The following DTNA variants were observed in gnomAD, a reference collection of about 807,000 sequenced individuals.
The protein encoded by DTNA is dystrophin-related protein 3.
DTNA carries 43 observed loss-of-function variants against 100.7 expected under a neutral mutation model. The ratio of observed to expected loss-of-function variants is 0.43; its 90% CI spans 0.33 to 0.55. The LOEUF is 0.55. DTNA is among the 20% of genes least tolerant of loss of function. The pLI, the probability that DTNA is intolerant of heterozygous loss-of-function variation, is 0.04. For missense variants in DTNA, 798 were observed against 953.9 expected (o/e 0.84, Z 2.15); for synonymous variants, 349 against 347.9 (o/e 1.00, Z -0.04).
At chr18:34,720,785 A>C (rs1487068979) in intron 1 of DTNA, among the ~76,000 whole-genome samples, 4 of 152,076 alleles carry the variant, frequency 2.6e-5, no homozygotes, top group Non-Finnish European at 4.4e-5. Context: ...GGGGTGGGGA[A>C]TCTCTCTCTA....
intron 1 of DTNA, among the ~76,000 whole-genome samples, chr18:34,585,827 G>T (rs899862936): frequency 2.0e-5 from 3 of 152,172 alleles, no homozygotes; most frequent in African/African-American, 7.2e-5. Flanking sequence ...GTATAGAGAG[G>T]TGGGTGGGAC....
At chr18:34,589,216 A>G (rs1027844259) in intron 1 of DTNA, among the ~76,000 whole-genome samples, 1 of 152,062 alleles carries the variant, frequency 6.6e-6, no homozygotes, top group Non-Finnish European at 1.5e-5. Context: ...TTTGTAAGGT[A>G]TACATGATGT....
chr18:34,664,536 T>G (rs2075637925), intron 1 of DTNA, among the ~76,000 whole-genome samples: 1 of 152,102 alleles, frequency 6.6e-6, no homozygotes, highest in African/African-American at 2.4e-5. Flanking sequence ...GAATGCTGGG[T>G]TATACAATGT....
intron 1 of DTNA, among the ~76,000 whole-genome samples, chr18:34,641,219 C>A (rs73946112): frequency 0.013 from 2,011 of 152,220 alleles, 36 homozygotes; most frequent in African/African-American, 0.046. Flanking sequence ...TTATTAGTGA[C>A]TTACCAAATC....
At chr18:34,841,820 CTAATCCTGAT>C (rs2096273675) in intron 13 of DTNA, among the ~76,000 whole-genome samples, 1 of 152,100 alleles carries the variant, frequency 6.6e-6, no homozygotes, top group Non-Finnish European at 1.5e-5. Flanking sequence ...TTATTCAGAC[CTAATCCTGAT>C]TAACTCTGTG....
At chr18:34,825,409 C>A (rs1323653000) in intron 9 of DTNA, 6 of 1,077,756 alleles carry the variant, frequency 5.6e-6, no homozygotes, top group Non-Finnish European at 8.6e-6. Flanking sequence ...ACACTCAGTT[C>A]ACAAGGATGC....
chr18:34,670,042 T>A (rs534028151), intron 1 of DTNA, among the ~76,000 whole-genome samples: 1 of 152,314 alleles, frequency 6.6e-6, no homozygotes, highest in South Asian at 2.1e-4. Context: ...GGTTCCATTC[T>A]CCCCATCACT....
upstream of DTNA, among the ~76,000 whole-genome samples, chr18:34,707,286 T>A (rs1363070611): frequency 6.6e-6 from 1 of 152,160 alleles, no homozygotes; most frequent in African/African-American, 2.4e-5. Flanking sequence ...TTCTGAAGCA[T>A]CATTACCTAT....
intron 1 of DTNA, among the ~76,000 whole-genome samples, chr18:34,700,357 C>T (rs1049185042): frequency 3.9e-5 from 6 of 152,182 alleles, no homozygotes; most frequent in African/African-American, 1.4e-4. Context: ...CCAAATACCA[C>T]ATGCTCCACT....
chr18:34,612,073 C>A (rs114857996), intron 1 of DTNA, among the ~76,000 whole-genome samples: 2 of 152,224 alleles, frequency 1.3e-5, no homozygotes, highest in Admixed American at 1.3e-4. Flanking sequence ...AGCCAGCTGA[C>A]ACGGGCCACC....
At chr18:34,716,033 T>C (rs920089081) in intron 1 of DTNA, among the ~76,000 whole-genome samples, 1 of 152,138 alleles carries the variant, frequency 6.6e-6, no homozygotes, top group African/African-American at 2.4e-5. Context: ...CATATAGCAG[T>C]GTACACTGGG....
At chr18:34,876,070 A>T (rs891173901) in intron 18 of DTNA, among the ~76,000 whole-genome samples, 10 of 152,172 alleles carry the variant, frequency 6.6e-5, no homozygotes, top group African/African-American at 9.7e-5. Context: ...GTAGACCTTC[A>T]CCGGCAGCTT....
intron 1 of DTNA, among the ~76,000 whole-genome samples, chr18:34,554,689 G>A (rs1225425617): frequency 3.5e-5 from 5 of 144,848 alleles, no homozygotes; most frequent in East Asian, 2.0e-4. Flanking sequence ...ATTGATTTGC[G>A]TATATTGAAC....
intron 15 of DTNA, among the ~76,000 whole-genome samples, chr18:34,857,458 C>T (rs2096566333): frequency 6.6e-6 from 1 of 152,182 alleles, no homozygotes; most frequent in Non-Finnish European, 1.5e-5. Flanking sequence ...TATAACCCTG[C>T]TTAATGGCTT....
intron 5 of DTNA, among the ~76,000 whole-genome samples, chr18:34,810,250 G>A (rs547881106): frequency 6.6e-6 from 1 of 152,046 alleles, no homozygotes; most frequent in Non-Finnish European, 1.5e-5. Flanking sequence ...TTGCCTCTAC[G>A]CCTACCCATA....
At chr18:34,512,132 G>A (rs779756246) in intron 1 of DTNA, among the ~76,000 whole-genome samples, 11 of 151,982 alleles carry the variant, frequency 7.2e-5, no homozygotes, top group Non-Finnish European at 1.6e-4. Context: ...AAGTCCCACT[G>A]GCTCTAGGCT....
rs140557100 is a variant in DTNA, at chr18:34,578,665, A to G, written c.-2+85151A>G. Among the ~76,000 whole-genome samples, 71 of 152,254 alleles carry G rather than the reference A, an allele frequency of 4.7e-4. No individual in the cohort carries two copies. In the East Asian group the frequency reaches 0.011, roughly 23 times the overall value. On this transcript the variant is annotated intron_variant, in intron 1 of 19. Coordinates refer to the DTNA transcript ENST00000283365. The stretch of plus-strand genomic sequence containing the variant: ...TATACGTGGTGAGAGATGAGGATCT[A>G]GTTTCACTCTTCTACATGTGGCTTG...
At chr18:34,838,246 C>A in intron 12 of DTNA, 75 bp downstream of exon 12, 2 of 1,515,768 alleles carry the variant, frequency 1.3e-6, no homozygotes, top group Non-Finnish European at 1.8e-6. Flanking sequence ...GTCAAAAATG[C>A]TTTGTGTGTG....
At chr18:34,817,621 G>A (rs539435044) in intron 7 of DTNA, among the ~76,000 whole-genome samples, 7 of 152,208 alleles carry the variant, frequency 4.6e-5, no homozygotes, top group South Asian at 2.1e-4. Flanking sequence ...AACACCACTC[G>A]TTAAGTAAGC....
Sources: gnomAD v4.1 joint callset for allele counts (sites outside exome capture counted in the v4.1 genomes callset) on GRCh38, gnomAD v4.1.1 for gene constraint, MANE v1.5 for transcripts, NCBI Gene and HGNC (gene_info 2026-07-23, HGNC 2026-07-21) for gene names.